Variants in FASTK observed in about 807,000 individuals in gnomAD.
The protein encoded by FASTK is fas-activated serine/threonine kinase.
A neutral mutation model predicts 60.0 loss-of-function variants in FASTK; 28 were observed. That is an observed-to-expected ratio of 0.47 (90% CI 0.35 to 0.64). FASTK has a LOEUF of 0.64. Ranked by LOEUF, FASTK falls within the 30% of genes least tolerant of loss-of-function variation. The pLI is 0.01. For missense variants in FASTK, 595 were observed against 713.8 expected, an observed-to-expected ratio of 0.83 and a Z score of 1.90; for synonymous variants, 325 against 307.9, an observed-to-expected ratio of 1.06 and a Z score of -0.58.
intron 1 of FASTK, chr7:151,080,291 C>T: frequency 2.7e-6 from 1 of 370,662 alleles, no homozygotes. Context: ...GGTTAGTGGT[C>T]GCGCCCAGTC....
rs1451140186 is a variant in FASTK at position 151,078,013 on chromosome 7, C to T, written c.905G>A (p.Arg302Lys). 6.2e-7 allele frequency: 1 copy of T among 1,611,404 alleles called. No homozygotes were observed. The highest frequency in any genetic ancestry group is 8.5e-7 in the Non-Finnish European group (1 of 1,178,006). ...LEQQFMPCLE[R>K]ILAREAGVAP... ...CACCCCTGCTTCCCGAGCCAGGATC[C>T]TCTCAAGGCAGGGCATAAACTGCTG... is the stretch of plus-strand genomic sequence containing the variant. The change falls in exon 5 of 10, where the codon AGG becomes AAG. Residue 302 changes from arginine to lysine, a missense_variant. Coordinates refer to ENST00000297532, the MANE Select transcript of FASTK (RefSeq NM_006712.5).
rs1481206706 is a variant in FASTK, at chr7:151,079,631, A to G, written c.374T>C (p.Leu125Ser). 1 of 1,613,704 alleles carries G rather than the reference A, an allele frequency of 6.2e-7. No individual in the cohort carries two copies. Among genetic ancestry groups the G allele is most frequent in the Non-Finnish European group, 8.5e-7 (1 of 1,179,968 alleles). The stretch of plus-strand genomic sequence containing the variant: ...AGGAGGGGGCCGTGGCCGAGACCCC[A>G]AGAGCTGGCCCAGACGACGAAGCGC... Reference protein sequence around the residue: ...SVALRRLGQLLGSRPRPPPVE... With the variant: ...SVALRRLGQLSGSRPRPPPVE... The change falls in exon 2 of 10, where the codon TTG becomes TCG. Residue 125 changes from leucine to serine, a missense_variant. Leu to Ser is a moderately radical substitution (Grantham distance 145). Around this residue, in one of 2 missense-constraint regions of FASTK, gnomAD observed 471 missense variants for 605.9 expected, o/e 0.78. Coordinates refer to ENST00000297532, the MANE Select transcript of FASTK (RefSeq NM_006712.5).
rs756979216 is a variant in FASTK, at chr7:151,077,043, C to T, written c.1428-16G>A. On this transcript the variant is annotated splice_polypyrimidine_tract_variant and intron_variant, in intron 8 of 9. Transcript: ENST00000297532. ...CAGCACCACCCTGCAGGGGGAGGGA[C>T]GTGGCTCAGGGCATGGCGGGCAAGG... The T allele has an allele frequency of 1.7e-5, 28 of 1,611,754 alleles. No individual in the cohort carries two copies. Among genetic ancestry groups the T allele is most frequent in the South Asian group, 3.3e-5 (3 of 90,948 alleles).
rs750013539 is a variant in FASTK, at chr7:151,080,693, C to T, written c.74G>A (p.Gly25Glu). Residue 25 changes from glycine (G) to glutamate (E), a missense_variant, in exon 1 of 10, where the codon GGG becomes GAG. This residue lies in a region of FASTK where 124 missense variants were observed against 107.9 expected (regional missense o/e 1.15). Transcript: ENST00000297532. ...GCAGGCGCCACCCCTACATGACTCC[C>T]CGGGCCCTGCGCAGGTCGCTCCCTC... is the stretch of plus-strand genomic sequence containing the variant. ...PTEGATCAGPGESWSPSPNSM... is the reference protein window; with the variant it reads ...PTEGATCAGPEESWSPSPNSM... 1.4e-6 allele frequency: 2 copies of T among 1,423,892 alleles called. No homozygotes were observed. The highest frequency in any genetic ancestry group is 9.1e-7 in the Non-Finnish European group (1 of 1,093,374). 88.2% of individuals were successfully genotyped at this position (1,423,892 alleles called of 1,614,324 possible). A position where few individuals can be genotyped will look rare whatever the true frequency, so the allele number is the denominator to read the frequency against.
rs972203426 is a variant in FASTK at position 151,078,160 on chromosome 7, C to T, written c.826-68G>A. 5.8e-6 allele frequency: 7 copies of T among 1,201,374 alleles called. No homozygotes were observed. The South Asian group carries it at 1.0e-4, about 17-fold the overall frequency. The allele number at this position is 1,201,374 out of a possible 1,614,324, so 74.4% of individuals were successfully genotyped here. A position where few individuals can be genotyped will look rare whatever the true frequency, so the allele number is the denominator to read the frequency against. ...TGCAGTCATCTTTTACAAGCTAAGC[C>T]TTAGAGAGGCTTAGCCCTCAGGTTT... On this transcript the variant is annotated intron_variant, in intron 4 of 9. Coordinates refer to ENST00000297532, the MANE Select transcript of FASTK (RefSeq NM_006712.5).
chr7:151,076,980 C>T lies in FASTK; in HGVS notation c.1475G>A (p.Arg492Gln), dbSNP rs769991300. 1.7e-5 allele frequency: 27 copies of T among 1,612,198 alleles called. No individual in the cohort carries two copies. In the South Asian group the frequency reaches 2.2e-4, roughly 13 times the overall value. ...CAGGGCCCTCGAGCCCAGCAGCACC[C>T]GGCCGTCCCGGCAGAAATGCCAGCG... is the stretch of plus-strand genomic sequence containing the variant. Reference protein sequence around the residue: ...RERWHFCRDGRVLLGSRALRE... With the variant: ...RERWHFCRDGQVLLGSRALRE... The change falls in exon 9 of 10, where the codon CGG becomes CAG. Residue 492 changes from arginine (R) to glutamine (Q), a missense_variant. Physicochemically the swap from Arg to Gln is conservative, Grantham distance 43. Transcript: ENST00000297532.
In FASTK at chr7:151,077,752, G is replaced by C; in HGVS notation, c.1068C>G (p.Arg356=). 6.3e-7 allele frequency: 1 copy of C among 1,597,926 alleles called. No homozygotes were observed. Among genetic ancestry groups the C allele is most frequent in the African/African-American group, 1.3e-5 (1 of 74,486 alleles). The change falls in exon 6 of 10, where the codon CGC becomes CGG. Residue 356 remains arginine, a synonymous_variant. Coordinates refer to ENST00000297532, the MANE Select transcript of FASTK (RefSeq NM_006712.5). The part of the protein sequence containing the change: ...SGTPHALIVR[R]YLSLLDTAVE... Reference sequence around the variant, plus strand: ...CGGCCGTGTCCAGCAGGGAGAGGTAGCGACGCACAATCAGAGCATGAGGGG... The same window carrying C: ...CGGCCGTGTCCAGCAGGGAGAGGTACCGACGCACAATCAGAGCATGAGGGG...
At chr7:151,077,810 G>A (rs1279511790) in intron 5 of FASTK, 30 bp from the exon 6 acceptor site, 1 of 1,593,988 alleles carries the variant, frequency 6.3e-7, no homozygotes, top group East Asian at 2.3e-5. Context: ...GGGGCTCTGG[G>A]CTGCAGGCCA....
intron 2 of FASTK, 182 bp from the exon 3 acceptor site, chr7:151,079,203 G>A: frequency 1.7e-6 from 1 of 602,946 alleles, no homozygotes; most frequent in Middle Eastern, 4.4e-4. Flanking sequence ...GTATCGAAAC[G>A]GTTTGTAGGG....
Position 151,078,632 on chromosome 7 carries a change from A to C in FASTK, c.755T>G (p.Leu252Trp). ...GGCTTCCAGAAGCTGGGGCTCCCGCAACCGGTGCCGGGCCAGGTGCTGGGC... is the reference window on the plus strand; with the variant it reads ...GGCTTCCAGAAGCTGGGGCTCCCGCCACCGGTGCCGGGCCAGGTGCTGGGC... ...LLAQHLARHR[L>W]REPQLLEAIA... The change falls in exon 4 of 10, where the codon TTG becomes TGG. Residue 252 changes from leucine (L) to tryptophan (W), a missense_variant. Around this residue, in one of 2 missense-constraint regions of FASTK, gnomAD observed 471 missense variants for 605.9 expected, o/e 0.78. Transcript: ENST00000297532. 6.2e-7 allele frequency: 1 copy of C among 1,613,480 alleles called. No individual in the cohort carries two copies. Among genetic ancestry groups the C allele is most frequent in the Non-Finnish European group, 8.5e-7 (1 of 1,179,992 alleles).
Position 151,076,946 on chromosome 7 carries a change from C to T in FASTK, c.1509G>A (p.Arg503=), listed in dbSNP as rs1420668896. The T allele has an allele frequency of 3.7e-6, 6 of 1,611,230 alleles. No individual in the cohort carries two copies. The African/African-American group carries it at 4.0e-5, about 11-fold the overall frequency. The change falls in exon 9 of 10, where the codon CGG becomes CGA. Residue 503 remains arginine, a synonymous_variant. Transcript: ENST00000297532. ...GCTGGTAGCCCATCAGGCCTAGGTG[C>T]CGCTCCCTCAGGGCCCTCGAGCCCA... The part of the protein sequence containing the change: ...VLLGSRALRE[R]HLGLMGYQLL...
chr7:151,078,911 A>G lies in FASTK; in HGVS notation c.616T>C (p.Leu206=), dbSNP rs1230601706. The change falls in exon 3 of 10, where the codon TTG becomes CTG. Residue 206 remains leucine (L), a synonymous_variant. Transcript: ENST00000297532. Reference sequence around the variant, plus strand: ...CGGGGGCAGCTTAGAGCAGCTTCCAACCCTTGCCCACCTCGGAGAAGGGGC... The same window carrying G: ...CGGGGGCAGCTTAGAGCAGCTTCCAGCCCTTGCCCACCTCGGAGAAGGGGC... ...LQPLLRGGQG[L]EAALSCPRFL... 6.3e-7 allele frequency: 1 copy of G among 1,582,996 alleles called. No homozygotes were observed. Among genetic ancestry groups the G allele is most frequent in the Non-Finnish European group, 8.5e-7 (1 of 1,170,104 alleles).
Position 151,077,979 on chromosome 7 carries a change from CA to C in FASTK, c.938del (p.Leu313ArgfsTer7), listed in dbSNP as rs1424112548. The part of the protein sequence containing the change: ...ILAREAGVAP[L>X]ATVNILMSLC... ...GTGACATCAAGATGTTGACTGTAGCCAGGGGTGCCACCCCTGCTTCCCGAGC... is the reference window on the plus strand; with the variant it reads ...GTGACATCAAGATGTTGACTGTAGCCGGGGTGCCACCCCTGCTTCCCGAGC... On this transcript the variant is annotated frameshift_variant, in exon 5 of 10. Coordinates refer to ENST00000297532, the MANE Select transcript of FASTK (RefSeq NM_006712.5). LOFTEE classifies it high-confidence loss of function. 6.2e-7 allele frequency: 1 copy of C among 1,613,314 alleles called. No individual in the cohort carries two copies. The highest frequency in any genetic ancestry group is 8.5e-7 in the Non-Finnish European group (1 of 1,179,544).
rs1414028142 is a variant in FASTK at position 151,077,378 on chromosome 7, C to A, written c.1223G>T (p.Gly408Val). The A allele has an allele frequency of 6.2e-7, 1 of 1,612,686 alleles. No homozygotes were observed. Among genetic ancestry groups the A allele is most frequent in the South Asian group, 1.1e-5 (1 of 91,088 alleles). The stretch of plus-strand genomic sequence containing the variant: ...CTCCTCCCCCAGCAGCTGGCGCAAC[C>A]CCTCAGCTACTATGTCCTTGTGACT... ...KYSHKDIVAE[G>V]LRQLLGEEKY... The change falls in exon 7 of 10, where the codon GGG (glycine) becomes GTG (valine). Residue 408 changes from glycine to valine, a missense_variant. By Grantham distance (109) the Gly-to-Val change is moderately radical. Transcript: ENST00000297532.
At position 151,080,748 on chromosome 7, in the gene FASTK, C is replaced by A; in HGVS notation, c.19G>T (p.Glu7Ter). 1 of 1,303,262 alleles carries A rather than the reference C, an allele frequency of 7.7e-7. No individual in the cohort carries two copies. The highest frequency in any genetic ancestry group is 9.7e-7 in the Non-Finnish European group (1 of 1,025,800). The allele number at this position is 1,303,262 out of a possible 1,614,324, so 80.7% of individuals were successfully genotyped here. The change falls in exon 1 of 10, where the codon GAA becomes TAA. Residue 7 changes from glutamate (E) to a stop codon, truncating the protein, a stop_gained. Transcript: ENST00000297532. LOFTEE classifies it high-confidence loss of function. ...GGTCTCGGGGCCCGGGGGCCGGGTT[C>A]CCCCCGCGGCCTCCTCATCGGCTAG... MRRPRG[E>*]PGPRAPRPTE...
Position 151,078,868 on chromosome 7 carries a change from C to A in FASTK, c.659G>T (p.Arg220Leu). The change falls in exon 3 of 10, where the codon CGG (arginine) becomes CTG (leucine). Residue 220 changes from arginine (R) to leucine (L), a missense_variant. Physicochemically the swap from Arg to Leu is moderately radical, Grantham distance 102. Around this residue, in one of 2 missense-constraint regions of FASTK, gnomAD observed 471 missense variants for 605.9 expected, o/e 0.78. Transcript: ENST00000297532. The stretch of plus-strand genomic sequence containing the variant: ...TGCCAGGCTGCTGATCAGATGCTGC[C>A]GTGGATACCGCAGAAAACGGGGGCA... The part of the protein sequence containing the change: ...LSCPRFLRYP[R>L]QHLISSLAEA... 6.2e-7 allele frequency: 1 copy of A among 1,606,626 alleles called. No homozygotes were observed. Among genetic ancestry groups the A allele is most frequent in the Non-Finnish European group, 8.5e-7 (1 of 1,177,688 alleles).
chr7:151,078,189 A>C, intron 4 of FASTK, 97 bp from the exon 5 acceptor site: 1 of 909,616 alleles, frequency 1.1e-6, no homozygotes, highest in Non-Finnish European at 1.7e-6. Flanking sequence ...CAGGTTTACA[A>C]CACTGCTGTA....
At position 151,076,916 on chromosome 7, in the gene FASTK, C is replaced by G. The variant is rs755794955; in HGVS notation, c.1539G>C (p.Leu513=). Residue 513 remains leucine, a synonymous_variant, in exon 9 of 10, where the codon CTG becomes CTC. Transcript: ENST00000297532. The part of the protein sequence containing the change: ...RHLGLMGYQL[L]PLPFEELESQ... ...GGGCCAGGCCAGGGCCACTCACCGG[C>G]AGGAGCTGGTAGCCCATCAGGCCTA... 1 of 1,605,218 alleles carries G rather than the reference C, an allele frequency of 6.2e-7. No individual in the cohort carries two copies. The highest frequency in any genetic ancestry group is 1.3e-5 in the African/African-American group (1 of 74,790).
At position 151,076,936 on chromosome 7, in the gene FASTK, G is replaced by C; in HGVS notation, c.1519C>G (p.Leu507Val). ...SRALRERHLG[L>V]MGYQLLPLPF... ...ACCGGCAGGAGCTGGTAGCCCATCAGGCCTAGGTGCCGCTCCCTCAGGGCC... is the reference window on the plus strand; with the variant it reads ...ACCGGCAGGAGCTGGTAGCCCATCACGCCTAGGTGCCGCTCCCTCAGGGCC... Residue 507 changes from leucine (L) to valine (V), a missense_variant, in exon 9 of 10, where the codon CTG (leucine) becomes GTG (valine). By Grantham distance (32) the Leu-to-Val change is conservative (BLOSUM62 1). This residue lies in a region of FASTK where 471 missense variants were observed against 605.9 expected (regional missense o/e 0.78). Coordinates refer to ENST00000297532, the MANE Select transcript of FASTK (RefSeq NM_006712.5). 1 of 1,610,744 alleles carries C rather than the reference G, an allele frequency of 6.2e-7. No individual in the cohort carries two copies. The highest frequency in any genetic ancestry group is 1.1e-5 in the South Asian group (1 of 90,824).
Sources: allele counts gnomAD v4.1 joint callset, GRCh38; gene constraint gnomAD v4.1.1; regional missense constraint gnomAD v4.1.1; transcripts MANE v1.5; gene names NCBI Gene and HGNC (gene_info 2026-07-23, HGNC 2026-07-21).